FRMD4B: variants seen among roughly 807,000 people sequenced by gnomAD.
FRMD4B encodes the protein FERM domain-containing protein 4B.
A neutral mutation model predicts 141.5 loss-of-function variants in FRMD4B; 74 were observed. The ratio of observed to expected loss-of-function variants is 0.52; its 90% CI spans 0.43 to 0.63. The LOEUF (loss-of-function observed/expected upper bound fraction) is 0.63. FRMD4B is among the 30% of genes least tolerant of loss of function. The pLI is 0.00. For missense variants in FRMD4B, 1,366 were observed against 1,253.4 expected (o/e 1.09, Z -1.36); for synonymous variants, 506 against 467.9 (o/e 1.08, Z -1.05).
chr3:69,241,337 C>T (rs1209215129), intron 7 of FRMD4B, among the ~76,000 whole-genome samples: 2 of 152,132 alleles, frequency 1.3e-5, no homozygotes, highest in African/African-American at 2.4e-5. Flanking sequence ...GAAAATGCTG[C>T]TTATGTGTCC....
chr3:69,527,236 G>T (rs58232161), intron 1 of FRMD4B, among the ~76,000 whole-genome samples: 41,244 of 151,988 alleles, frequency 0.27, 6,316 homozygotes, highest in African/African-American at 0.4. Flanking sequence ...GGATTACAGG[G>T]AACTCAGGGA....
intron 1 of FRMD4B, among the ~76,000 whole-genome samples, chr3:69,455,430 G>A (rs770229870): frequency 3.9e-5 from 6 of 152,120 alleles, no homozygotes; most frequent in African/African-American, 7.2e-5. Context: ...GTGAGACCAC[G>A]AATGCACCAG....
Position 69,181,465 on chromosome 3 carries a change from C to A in FRMD4B, c.2285G>T (p.Gly762Val), listed in dbSNP as rs2092707356. 1 of 1,613,688 alleles carries A rather than the reference C, an allele frequency of 6.2e-7. No homozygotes were observed. Among genetic ancestry groups the A allele is most frequent in the Non-Finnish European group, 8.5e-7 (1 of 1,179,784 alleles). Residue 762 changes from glycine (G) to valine (V), a missense_variant, in exon 21 of 23, where the codon GGT becomes GTT. Coordinates refer to ENST00000398540, the MANE Select transcript of FRMD4B (RefSeq NM_015123.3). ...ATTCTGTTTCTTTGACCTCCTCCGA[C>A]CCCTGGTGCGAGTGTCCAGGGTCTG... ...TTQTLDTRTR[G>V]RRRSKKQNVS... is the part of the protein sequence containing the mutation.
At chr3:69,358,262 G>A (rs934696952) in intron 1 of FRMD4B, among the ~76,000 whole-genome samples, 4 of 152,196 alleles carry the variant, frequency 2.6e-5, no homozygotes, top group African/African-American at 9.7e-5. Context: ...TGTGGCCTAT[G>A]TAGGCCCACA....
chr3:69,225,519 C>G (rs61098751), intron 7 of FRMD4B, among the ~76,000 whole-genome samples: 4 of 50,572 alleles, frequency 7.9e-5, no homozygotes, highest in African/African-American at 3.4e-4. Context: ...ACTAAAAATA[C>G]AAAAAAAAAA....
intron 2 of FRMD4B, among the ~76,000 whole-genome samples, chr3:69,424,732 C>T (rs1469780966): frequency 6.6e-6 from 1 of 152,068 alleles, no homozygotes; most frequent in Non-Finnish European, 1.5e-5. Context: ...ATGTTGACTA[C>T]CTTAAATCCC....
intron 22 of FRMD4B, among the ~76,000 whole-genome samples, chr3:69,173,015 C>T (rs185414781): frequency 6.6e-6 from 1 of 152,256 alleles, no homozygotes; most frequent in African/African-American, 2.4e-5. Flanking sequence ...CAAGAAGCAA[C>T]ACACAGATTG....
At chr3:69,435,724 A>G (rs1336914426) in intron 1 of FRMD4B, among the ~76,000 whole-genome samples, 2 of 152,180 alleles carry the variant, frequency 1.3e-5, no homozygotes, top group African/African-American at 4.8e-5. Flanking sequence ...GGTCTTTCCA[A>G]TCTTCAAGGG....
chr3:69,407,829 G>C (rs908901044), intron 2 of FRMD4B, among the ~76,000 whole-genome samples: 1 of 152,318 alleles, frequency 6.6e-6, no homozygotes, highest in East Asian at 1.9e-4. Context: ...GGGAAATGAG[G>C]GTTGTATTGT....
chr3:69,377,732 C>T (rs181661228), intron 1 of FRMD4B, among the ~76,000 whole-genome samples: 1 of 152,270 alleles, frequency 6.6e-6, no homozygotes, highest in African/African-American at 2.4e-5. Flanking sequence ...AGCTTCAGAG[C>T]TACCTGGGAG....
rs113945826 is a variant in FRMD4B, at chr3:69,172,454, T to A, written c.2985-473A>T. Among the ~76,000 whole-genome samples, 329 of 152,294 alleles carry A rather than the reference T, an allele frequency of 2.2e-3. 3 individuals carry two copies. Among genetic ancestry groups the A allele is most frequent in the African/African-American group, 7.2e-3 (299 of 41,524 alleles). ...CTTTACCATCCTGCTAGTTCACTTA[T>A]TAATGAGTTAAACAAATCTTCGGCC... On this transcript the variant is annotated intron_variant, in intron 22 of 22. Coordinates refer to ENST00000398540, the MANE Select transcript of FRMD4B (RefSeq NM_015123.3).
At chr3:69,356,191 C>G (rs1054879332) in intron 1 of FRMD4B, among the ~76,000 whole-genome samples, 8 of 152,126 alleles carry the variant, frequency 5.3e-5, no homozygotes, top group African/African-American at 1.9e-4. Context: ...ATGGTTAATA[C>G]TTAGTGTCAA....
Position 69,287,677 on chromosome 3 carries a change from GA to G in FRMD4B, c.501+74del, listed in dbSNP as rs796941816. ...TTTTCTTAGTTTGAATGCAAGAAGAGAGGCAAAACCATTTCTTCCTGTCATC... is the reference window on the plus strand; with the variant it reads ...TTTTCTTAGTTTGAATGCAAGAAGAGGGCAAAACCATTTCTTCCTGTCATC... On this transcript the variant is annotated intron_variant, in intron 5 of 22. Transcript: ENST00000398540. 8.0e-6 allele frequency: 6 copies of G among 752,488 alleles called. No individual in the cohort carries two copies. The African/African-American group carries it at 1.1e-4, about 13-fold the overall frequency. 46.6% of individuals were successfully genotyped at this position (752,488 alleles called of 1,614,324 possible).
At chr3:69,211,279 A>G (rs2093076897) in intron 11 of FRMD4B, among the ~76,000 whole-genome samples, 1 of 152,198 alleles carries the variant, frequency 6.6e-6, no homozygotes, top group South Asian at 2.1e-4. Flanking sequence ...CCACTTTTAA[A>G]GAGAGATTAA....
At position 69,193,633 on chromosome 3, in the gene FRMD4B, T is replaced by C; in HGVS notation, c.1714+15A>G. On this transcript the variant is annotated intron_variant, in intron 17 of 22. Coordinates refer to ENST00000398540, the MANE Select transcript of FRMD4B (RefSeq NM_015123.3). ...AGTAGGGGACTCAAAAAAAAAAACC[T>C]TACTTATTACTAACCTGGTAACACT... The C allele has an allele frequency of 6.5e-7, 1 of 1,529,938 alleles. No individual in the cohort carries two copies. The highest frequency in any genetic ancestry group is 9.0e-7 in the Non-Finnish European group (1 of 1,112,342). 94.8% of individuals were successfully genotyped at this position (1,529,938 alleles called of 1,614,324 possible).
At chr3:69,183,145 T>C (rs1434586168) in intron 19 of FRMD4B, among the ~76,000 whole-genome samples, 2 of 152,218 alleles carry the variant, frequency 1.3e-5, no homozygotes, top group African/African-American at 4.8e-5. Flanking sequence ...AGATGGTCTC[T>C]AGAGCGACTA....
chr3:69,361,722 A>G (rs1456112270), intron 1 of FRMD4B, among the ~76,000 whole-genome samples: 1 of 152,190 alleles, frequency 6.6e-6, no homozygotes, highest in Non-Finnish European at 1.5e-5. Flanking sequence ...TTGCATGAAT[A>G]TAGTATAGTT....
intron 1 of FRMD4B, among the ~76,000 whole-genome samples, chr3:69,464,651 A>T (rs1575811596): frequency 6.6e-6 from 1 of 152,234 alleles, no homozygotes; most frequent in Admixed American, 6.5e-5. Flanking sequence ...ACTATTTCAC[A>T]GCCCTTAATG....
At chr3:69,530,383 AAG>A (rs1215013422) in intron 1 of FRMD4B, among the ~76,000 whole-genome samples, 2 of 152,156 alleles carry the variant, frequency 1.3e-5, no homozygotes, top group Non-Finnish European at 2.9e-5. Context: ...AGTTGTTAAA[AAG>A]AGTCTGGCAT....
Sources: allele counts gnomAD v4.1 joint callset (sites outside exome capture counted in the v4.1 genomes callset), GRCh38; gene constraint gnomAD v4.1.1; transcripts MANE v1.5; gene names NCBI Gene and HGNC (gene_info 2026-07-23, HGNC 2026-07-21).